Variants in SLC8A1 observed in about 807,000 individuals in gnomAD.
The protein encoded by SLC8A1 is sodium/calcium exchanger 1.
In SLC8A1, 18 loss-of-function variants were observed where a neutral mutation model predicts 68.3. The observed-to-expected ratio is 0.26, with a 90% CI of 0.18 to 0.39. The LOEUF is 0.39. Among genes scored for constraint, SLC8A1 ranks in the 10% least tolerant of loss-of-function variants. The pLI is 1.00. For missense variants in SLC8A1, 985 were observed against 1,156.7 expected (o/e 0.85, Z 2.15); for synonymous variants, 475 against 415.5 (o/e 1.14, Z -1.74).
intron 2 of SLC8A1, among the ~76,000 whole-genome samples, chr2:40,312,340 G>A (rs1012745190): frequency 7.2e-5 from 11 of 152,016 alleles, no homozygotes; most frequent in Admixed American, 2.0e-4. Flanking sequence ...ATCGTGATGC[G>A]CAACTGTGAG....
chr2:40,303,718 G>C (rs1299703653), intron 2 of SLC8A1, among the ~76,000 whole-genome samples: 4 of 152,276 alleles, frequency 2.6e-5, no homozygotes, highest in East Asian at 3.9e-4. Flanking sequence ...GGAATCCTTG[G>C]TGATTTCCCA....
intron 2 of SLC8A1, among the ~76,000 whole-genome samples, chr2:40,320,900 G>C (rs564524195): frequency 6.6e-6 from 1 of 152,174 alleles, no homozygotes; most frequent in East Asian, 1.9e-4. Context: ...AGCCAATTTG[G>C]CTGTGAGTTA....
At chr2:40,329,582 G>C (rs2076205570) in intron 2 of SLC8A1, among the ~76,000 whole-genome samples, 1 of 152,182 alleles carries the variant, frequency 6.6e-6, no homozygotes, top group Admixed American at 6.5e-5. Flanking sequence ...AGTTACTAAT[G>C]ATTTTTCTTT....
chr2:40,427,565 G>A (rs1697211922), intron 2 of SLC8A1, among the ~76,000 whole-genome samples: 1 of 151,774 alleles, frequency 6.6e-6, no homozygotes, highest in Non-Finnish European at 1.5e-5. Flanking sequence ...TTTGCTTTTG[G>A]TGAGTTGAGT....
chr2:40,177,877 G>T, intron 2 of SLC8A1: 1 of 1,470,534 alleles, frequency 6.8e-7, no homozygotes, highest in African/African-American at 1.4e-5. Context: ...CAAGACAAAG[G>T]CAAAACAAAT....
At chr2:40,430,674 C>A (rs184300723) in intron 1 of SLC8A1, among the ~76,000 whole-genome samples, 3 of 152,156 alleles carry the variant, frequency 2.0e-5, no homozygotes, top group Non-Finnish European at 2.9e-5. Context: ...AATCACAGGA[C>A]TTTTGAAGCA....
intron 7 of SLC8A1, among the ~76,000 whole-genome samples, chr2:40,121,828 T>C (rs371909393): frequency 1.3e-5 from 2 of 152,334 alleles, no homozygotes; most frequent in Admixed American, 1.3e-4. Context: ...TTAAAAATTA[T>C]TAATTTGACA....
At chr2:40,309,784 G>A (rs557790658) in intron 2 of SLC8A1, among the ~76,000 whole-genome samples, 30 of 152,224 alleles carry the variant, frequency 2.0e-4, no homozygotes, top group East Asian at 3.9e-4. Flanking sequence ...GATTACAGGC[G>A]TGAGCTATCG....
At chr2:40,171,800 G>T (rs947128449) in intron 4 of SLC8A1, among the ~76,000 whole-genome samples, 2 of 152,166 alleles carry the variant, frequency 1.3e-5, no homozygotes, top group Non-Finnish European at 2.9e-5. Context: ...GTGTTACCTT[G>T]TCGTATGACT....
chr2:40,302,873 C>T (rs1050240570), intron 2 of SLC8A1, among the ~76,000 whole-genome samples: 8 of 152,086 alleles, frequency 5.3e-5, no homozygotes, highest in Non-Finnish European at 1.0e-4. Context: ...GAAGTGTTCC[C>T]TTCCAAACCA....
In SLC8A1 at chr2:40,215,051, C is replaced by A. The variant is rs781331756; in HGVS notation, c.1809-37196G>T. Among the ~76,000 whole-genome samples, 8 of 152,120 alleles carry A rather than the reference C, an allele frequency of 5.3e-5. No homozygotes were observed. The South Asian group carries it at 1.2e-3, about 24-fold the overall frequency. ...CTTATGAGTTTTATATTTGCTAGTT[C>A]TTTTTGTGCTATGTATTTATTATAT... On this transcript the variant is annotated intron_variant, in intron 2 of 7. Coordinates refer to ENST00000406785, the Ensembl canonical transcript of SLC8A1.
chr2:40,429,444 T>G (rs903195536), exon 2 of SLC8A1: 1 of 1,613,908 alleles, frequency 6.2e-7, no homozygotes, highest in Non-Finnish European at 8.5e-7. Context: ...GCCTGTCTCC[T>G]TCATGTTCAA....
chr2:40,395,279 G>A (rs939759864), intron 2 of SLC8A1, among the ~76,000 whole-genome samples: 4 of 152,126 alleles, frequency 2.6e-5, no homozygotes, highest in Non-Finnish European at 5.9e-5. Context: ...TGAGTCTCCT[G>A]ACTGACTACA....
intron 2 of SLC8A1, among the ~76,000 whole-genome samples, chr2:40,336,879 T>C (rs1666141304): frequency 6.6e-6 from 1 of 152,194 alleles, no homozygotes; most frequent in African/African-American, 2.4e-5. Flanking sequence ...ATTAACTCCC[T>C]GAGCCACAGT....
exon 8 of SLC8A1, chr2:40,098,867 A>G (rs375547898): frequency 1.6e-4 from 25 of 152,068 alleles, no homozygotes; most frequent in African/African-American, 6.0e-4. Flanking sequence ...AAGATAATCT[A>G]CATTTTACAG....
chr2:40,466,036 GA>G (rs1703650638), intron 1 of SLC8A1, among the ~76,000 whole-genome samples: 3 of 152,118 alleles, frequency 2.0e-5, no homozygotes, highest in Non-Finnish European at 4.4e-5. Context: ...CCAGCACCTT[GA>G]TTGTGGACTT....
At chr2:40,357,639 A>AACAAACCTT (rs1673130341) in intron 2 of SLC8A1, among the ~76,000 whole-genome samples, 1 of 152,144 alleles carries the variant, frequency 6.6e-6, no homozygotes. Flanking sequence ...TAACAAACCT[A>AACAAACCTT]TGTAACAAAC....
At chr2:40,219,290 G>T (rs1191314538) in intron 2 of SLC8A1, among the ~76,000 whole-genome samples, 1 of 152,212 alleles carries the variant, frequency 6.6e-6, no homozygotes, top group Non-Finnish European at 1.5e-5. Context: ...TTTTTACATG[G>T]AATTAAAATT....
At chr2:40,375,956 G>A (rs1176892257) in intron 2 of SLC8A1, among the ~76,000 whole-genome samples, 1 of 152,024 alleles carries the variant, frequency 6.6e-6, no homozygotes, top group Non-Finnish European at 1.5e-5. Flanking sequence ...AGCTGAGACA[G>A]CACCACTACA....
Sources: gnomAD v4.1 joint callset for allele counts (sites outside exome capture counted in the v4.1 genomes callset) on GRCh38, gnomAD v4.1.1 for gene constraint, MANE v1.5 for transcripts, NCBI Gene and HGNC (gene_info 2026-07-23, HGNC 2026-07-21) for gene names.